Variants in MDGA2 observed in about 807,000 individuals in gnomAD.
MDGA2 encodes the protein MAM domain-containing glycosylphosphatidylinositol anchor protein 2.
In MDGA2, 40 loss-of-function variants were observed where a neutral mutation model predicts 117.8. That is an observed-to-expected ratio of 0.34 (90% CI 0.26 to 0.44). MDGA2 has a LOEUF of 0.44. Ranked by LOEUF, MDGA2 falls within the 20% of genes least tolerant of loss-of-function variation. MDGA2 has a pLI of 1.00. For missense variants in MDGA2, 1,123 were observed against 1,250.6 expected, an observed-to-expected ratio of 0.90 and a Z score of 1.54; for synonymous variants, 452 against 439.0, an observed-to-expected ratio of 1.03 and a Z score of -0.37.
intron 1 of MDGA2, among the ~76,000 whole-genome samples, chr14:47,371,695 G>T (rs1231496413): frequency 6.6e-6 from 1 of 151,560 alleles, no homozygotes; most frequent in Non-Finnish European, 1.5e-5. Flanking sequence ...AAGAATAAGA[G>T]ATTCTCATTA....
intron 1 of MDGA2, among the ~76,000 whole-genome samples, chr14:47,428,417 A>G (rs145577598): frequency 6.6e-6 from 1 of 152,188 alleles, no homozygotes; most frequent in African/African-American, 2.4e-5. Context: ...ATTCAATCTC[A>G]CCATAAACTA....
chr14:47,153,716 A>AT (rs1221181645), intron 3 of MDGA2, among the ~76,000 whole-genome samples: 2 of 152,072 alleles, frequency 1.3e-5, no homozygotes, highest in African/African-American at 4.8e-5. Context: ...AAATAAAAAA[A>AT]AAAAAAAAAC....
At chr14:46,839,754 C>T (rs1003627448), downstream of MDGA2, among the ~76,000 whole-genome samples, 4 of 151,858 alleles carry the variant, frequency 2.6e-5, no homozygotes, top group African/African-American at 9.7e-5. Context: ...AGTTATGAAA[C>T]TCATTTGTTT....
chr14:47,494,375 T>C (rs1282094339), intron 1 of MDGA2, among the ~76,000 whole-genome samples: 1 of 152,184 alleles, frequency 6.6e-6, no homozygotes, highest in Non-Finnish European at 1.5e-5. Context: ...TCCTACTATT[T>C]TAAAATTAAG....
intron 2 of MDGA2, among the ~76,000 whole-genome samples, chr14:47,229,683 A>C (rs1886623868): frequency 6.6e-6 from 1 of 151,986 alleles, no homozygotes; most frequent in Admixed American, 6.6e-5. Context: ...GTAGCAGCTC[A>C]TGAGAGAAAA....
At chr14:46,858,817 G>A (rs754971599) in intron 14 of MDGA2, among the ~76,000 whole-genome samples, 9 of 152,002 alleles carry the variant, frequency 5.9e-5, no homozygotes, top group Admixed American at 1.3e-4. Flanking sequence ...ACTTTTTATG[G>A]CTATGAATCA....
intron 6 of MDGA2, among the ~76,000 whole-genome samples, chr14:47,078,178 A>G (rs1398143980): frequency 1.3e-5 from 2 of 152,106 alleles, no homozygotes; most frequent in Non-Finnish European, 2.9e-5. Context: ...GATTCCAGGT[A>G]TGATATTTTA....
chr14:46,895,155 G>A (rs950927141), intron 10 of MDGA2, among the ~76,000 whole-genome samples: 1 of 152,112 alleles, frequency 6.6e-6, no homozygotes, highest in African/African-American at 2.4e-5. Context: ...ATCTTGAATT[G>A]TAGTTCTCAT....
intron 1 of MDGA2, among the ~76,000 whole-genome samples, chr14:47,526,555 G>A (rs1436014490): frequency 2.0e-5 from 3 of 152,054 alleles, no homozygotes; most frequent in Non-Finnish European, 2.9e-5. Flanking sequence ...ACGACTGGAC[G>A]GTGATATCTT....
At chr14:47,202,332 A>T (rs1885537759) in intron 3 of MDGA2, among the ~76,000 whole-genome samples, 1 of 152,324 alleles carries the variant, frequency 6.6e-6, no homozygotes, top group South Asian at 2.1e-4. Context: ...AAACCTAGTA[A>T]AAGGTGGAGA....
In MDGA2 at chr14:46,957,477, G is replaced by A; in HGVS notation, c.1986C>T (p.Tyr662=). The A allele has an allele frequency of 6.2e-7, 1 of 1,614,122 alleles. No homozygotes were observed. Among genetic ancestry groups the A allele is most frequent in the Non-Finnish European group, 8.5e-7 (1 of 1,180,006 alleles). ...AAAGACTCTTCACAGCGTACTCTGT[G>A]TATTCCTGAGAGTCAAATTGACCCG... ...LRTGQFDSQE[Y]TEYAVKSLSN... is the part of the protein sequence containing the mutation. Residue 662 remains tyrosine, a synonymous_variant, in exon 9 of 17, where the codon TAC becomes TAT. Transcript: ENST00000399232.
intron 5 of MDGA2, among the ~76,000 whole-genome samples, chr14:47,108,061 G>C (rs1274570454): frequency 6.7e-6 from 1 of 148,842 alleles, no homozygotes; most frequent in Non-Finnish European, 1.5e-5. Context: ...TATCCCTTAT[G>C]GTCCTCCATC....
chr14:47,083,549 G>C (rs550574960), intron 6 of MDGA2, among the ~76,000 whole-genome samples: 65 of 151,986 alleles, frequency 4.3e-4, no homozygotes, highest in African/African-American at 1.5e-3. Flanking sequence ...CAGAGAATTG[G>C]AAACAGAAGG....
rs575467778 is a variant in MDGA2, at chr14:47,241,487, G to A, written c.421-23292C>T. Among the ~76,000 whole-genome samples the A allele has an allele frequency of 3.2e-4, 48 of 151,904 alleles. 1 individual carries two copies. In the South Asian group the frequency reaches 6.9e-3, roughly 22 times the overall value. On this transcript the variant is annotated intron_variant, in intron 2 of 16. Coordinates refer to ENST00000399232, the MANE Select transcript of MDGA2 (RefSeq NM_001113498.3). ...ATTATTGTGTTTGTTTTTTGTGTGT[G>A]TTTCTTTCCATTGTAAAAATTTGTT...
intron 8 of MDGA2, among the ~76,000 whole-genome samples, chr14:46,972,723 T>G (rs1416284039): frequency 6.6e-6 from 1 of 152,114 alleles, no homozygotes; most frequent in East Asian, 1.9e-4. Flanking sequence ...GGTGATAGCT[T>G]TTTAGATACA....
chr14:47,273,084 G>GAAC (rs1168943823), intron 2 of MDGA2, among the ~76,000 whole-genome samples: 4 of 152,046 alleles, frequency 2.6e-5, no homozygotes, highest in African/African-American at 9.7e-5. Context: ...CTGATAAGCA[G>GAAC]AACAACTCTG....
At chr14:47,131,984 G>T (rs1882229299) in intron 4 of MDGA2, 138 bp from the exon 5 acceptor site, 2 of 596,158 alleles carry the variant, frequency 3.4e-6, no homozygotes, top group East Asian at 3.2e-5. Flanking sequence ...TAAGGGAAAT[G>T]TCCTATCTTT....
At chr14:47,154,107 T>A (rs1045237577) in intron 3 of MDGA2, among the ~76,000 whole-genome samples, 2 of 151,352 alleles carry the variant, frequency 1.3e-5, no homozygotes, top group African/African-American at 4.9e-5. Flanking sequence ...ATCAAGAGAG[T>A]CTTGTTTTGT....
intron 5 of MDGA2, among the ~76,000 whole-genome samples, chr14:47,124,434 CTTTAA>C (rs537990989): frequency 5.3e-5 from 8 of 152,102 alleles, no homozygotes; most frequent in Non-Finnish European, 1.0e-4. Context: ...AGAGTCACTT[CTTTAA>C]TTTGAGTTCT....
Sources: gnomAD v4.1 joint callset for allele counts (sites outside exome capture counted in the v4.1 genomes callset) on GRCh38, gnomAD v4.1.1 for gene constraint, MANE v1.5 for transcripts, NCBI Gene and HGNC (gene_info 2026-07-23, HGNC 2026-07-21) for gene names.